COL1A1: variants seen among roughly 807,000 people sequenced by gnomAD.
The protein encoded by COL1A1 is collagen type I alpha 1 chain, also known as collagen alpha-1(I) chain.
In COL1A1, 21 loss-of-function variants were observed where a neutral mutation model predicts 195.7. The ratio of observed to expected loss-of-function variants is 0.11; its 90% CI spans 0.08 to 0.15. The LOEUF (loss-of-function observed/expected upper bound fraction) is 0.15. COL1A1 is among the 10% of genes least tolerant of loss of function. COL1A1 has a pLI of 1.00. For synonymous variants in COL1A1, 749 were observed against 747.3 expected, an observed-to-expected ratio of 1.00 and a Z score of -0.04; for missense variants, 1,365 against 2,051.0, an observed-to-expected ratio of 0.67 and a Z score of 6.46.
rs778654271 is a variant in COL1A1, at chr17:50,188,597, G to A, written c.3140C>T (p.Ala1047Val). The A allele has an allele frequency of 1.2e-6, 2 of 1,614,026 alleles. No homozygotes were observed. The highest frequency in any genetic ancestry group is 1.7e-6 in the Non-Finnish European group (2 of 1,179,966). Residue 1047 changes from alanine to valine, a missense_variant, in exon 43 of 51, where the codon GCT becomes GTT. Physicochemically the swap from Ala to Val is moderately conservative, Grantham distance 64 (BLOSUM62 0). Transcript: ENST00000225964. This position sits in a 1 kb window ranked among gnomAD's most constrained non-coding sequence, Gnocchi z 5.6. ...GCCAGGGGCACCAGGAGCACCAGGA[G>A]CACCAGGGGGTCCAGCGGGGCCGGT... is the stretch of plus-strand genomic sequence containing the variant. ...GETGPAGPPG[A>V]PGAPGAPGPV...
rs1906999613 is a variant in COL1A1 at position 50,190,703 on chromosome 17, T to C, written c.2344-107A>G. The C allele has an allele frequency of 1.3e-5, 20 of 1,501,400 alleles. No homozygotes were observed. The highest frequency in any genetic ancestry group is 1.7e-5 in the Non-Finnish European group (18 of 1,083,250). 93.0% of individuals were successfully genotyped at this position (1,501,400 alleles called of 1,614,324 possible). On this transcript the variant is annotated intron_variant, in intron 33 of 50. Coordinates refer to ENST00000225964, the MANE Select transcript of COL1A1 (RefSeq NM_000088.4). The surrounding 1 kb of genome is among the most constrained non-coding windows in gnomAD (Gnocchi z 4.7). ...CTTCTGGTCCCTCCAGGTTCCCAGGTTGACAGCTCAGTTTGGCAGGACCTG... is the reference window on the plus strand; with the variant it reads ...CTTCTGGTCCCTCCAGGTTCCCAGGCTGACAGCTCAGTTTGGCAGGACCTG...
chr17:50,196,051 C>T, intron 15 of COL1A1, 75 bp from the exon 16 acceptor site: 1 of 1,604,796 alleles, frequency 6.2e-7, no homozygotes. Context: ...CAGAGGAAGT[C>T]CTGGGGTTCA....
In COL1A1 at chr17:50,190,102, C is replaced by G. The variant is rs1489977257; in HGVS notation, c.2458G>C (p.Asp820His). 6.2e-7 allele frequency: 1 copy of G among 1,613,432 alleles called. No individual in the cohort carries two copies. Among genetic ancestry groups the G allele is most frequent in the South Asian group, 1.1e-5 (1 of 91,028 alleles). Residue 820 changes from aspartate (D) to histidine (H), a missense_variant, in exon 36 of 51, where the codon GAC becomes CAC. By Grantham distance (81) the Asp-to-His change is moderately conservative (BLOSUM62 -1). Coordinates refer to ENST00000225964, the MANE Select transcript of COL1A1 (RefSeq NM_000088.4). The surrounding 1 kb of genome is among the most constrained non-coding windows in gnomAD (Gnocchi z 4.7). ...TCGCCTTTAGCACCAGGTTGGCCGT[C>G]AGCACCCTGGGGGAGGAAGCAGGGC... ...PAGFAGPPGA[D>H]GQPGAKGEPG...
At position 50,189,464 on chromosome 17, in the gene COL1A1, G is replaced by T; in HGVS notation, c.2742C>A (p.Gly914=). The change falls in exon 39 of 51, where the codon GGC becomes GGA. Residue 914 remains glycine, a synonymous_variant. Transcript: ENST00000225964. This position sits in a 1 kb window ranked among gnomAD's most constrained non-coding sequence, Gnocchi z 5.5. ...EGGKGPRGET[G]PAGRPGEVGP... is the part of the protein sequence containing the mutation. ...CAACTTCACCAGGACGTCCAGCAGG[G>T]CCAGTCTCACCACGGGGACCTTTGC... 1 of 1,613,618 alleles carries T rather than the reference G, an allele frequency of 6.2e-7. No individual in the cohort carries two copies. The highest frequency in any genetic ancestry group is 8.5e-7 in the Non-Finnish European group (1 of 1,179,872).
Position 50,187,504 on chromosome 17 carries a change from A to G in COL1A1, c.3403T>C (p.Ser1135Pro). ...SPGEQGPSGA[S>P]GPAGPRGPPG... ...CTTACTCGGGGACCAGCAGGACCAG[A>G]GGCTCCAGAGGGACCTTGTTCACCA... is the stretch of plus-strand genomic sequence containing the variant. Residue 1135 changes from serine to proline, a missense_variant, in exon 46 of 51, where the codon TCT becomes CCT. Ser to Pro is a moderately conservative substitution (Grantham distance 74). This residue lies in a region of COL1A1 where 671 missense variants were observed against 1,099.9 expected (regional missense o/e 0.61). Transcript: ENST00000225964. The G allele has an allele frequency of 1.2e-6, 2 of 1,613,922 alleles. No individual in the cohort carries two copies. Among genetic ancestry groups the G allele is most frequent in the Non-Finnish European group, 1.7e-6 (2 of 1,179,914 alleles).
Position 50,201,469 on chromosome 17 carries a change from G to A in COL1A1, c.45C>T (p.Ala15=), listed in dbSNP as rs140295356. ...VDLRLLLLLA[A]TALLTHGQEE... is the part of the protein sequence containing the mutation. ...CTTGGCCGTGCGTCAGGAGGGCGGT[G>A]GCCGCTAAGAGGAGCAGGAGCCGGA... The change falls in exon 1 of 51, where the codon GCC becomes GCT. Residue 15 remains alanine, a synonymous_variant. Transcript: ENST00000225964. The A allele has an allele frequency of 7.1e-5, 115 of 1,613,024 alleles. No homozygotes were observed. Among genetic ancestry groups the A allele is most frequent in the Non-Finnish European group, 9.4e-5 (111 of 1,180,034 alleles).
At position 50,195,171 on chromosome 17, in the gene COL1A1, A is replaced by C. The variant is rs1399268695; in HGVS notation, c.1299+61T>G. On this transcript the variant is annotated intron_variant, in intron 19 of 50. Transcript: ENST00000225964. This position sits in a 1 kb window ranked among gnomAD's most constrained non-coding sequence, Gnocchi z 4.3. The stretch of plus-strand genomic sequence containing the variant: ...GTTGGCCTGCGTCTTCCTGCTCCCC[A>C]GATGAGAGCCGCACTGGAGCCAGTG... 1 of 1,605,092 alleles carries C rather than the reference A, an allele frequency of 6.2e-7. No homozygotes were observed. Among genetic ancestry groups the C allele is most frequent in the Non-Finnish European group, 8.5e-7 (1 of 1,172,262 alleles).
intron 31 of COL1A1, 58 bp from the exon 32 acceptor site, chr17:50,191,548 C>A: frequency 6.7e-7 from 1 of 1,483,846 alleles, no homozygotes. Context: ...TGGGTCACAG[C>A]CCTAAGCCCC....
In COL1A1 at chr17:50,194,596, C is replaced by T. The variant is rs1051473344; in HGVS notation, c.1492G>A (p.Ala498Thr). 16 of 1,576,434 alleles carry T rather than the reference C, an allele frequency of 1.0e-5. No homozygotes were observed. The highest frequency in any genetic ancestry group is 1.4e-5 in the Non-Finnish European group (16 of 1,160,948). ...GGPGSRGFPG[A>T]DGVAGPKGPA... Reference sequence around the variant, plus strand: ...ACCTTGGGACCAGCAACACCATCTGCGCCAGGGAAACCACGGCTACCAGGT... The same window carrying T: ...ACCTTGGGACCAGCAACACCATCTGTGCCAGGGAAACCACGGCTACCAGGT... The change falls in exon 22 of 51, where the codon GCA becomes ACA. Residue 498 changes from alanine (A) to threonine (T), a missense_variant. Coordinates refer to ENST00000225964, the MANE Select transcript of COL1A1 (RefSeq NM_000088.4). The surrounding 1 kb of genome is among the most constrained non-coding windows in gnomAD (Gnocchi z 6.8).
At chr17:50,187,837 G>A (rs770279478) in intron 45 of COL1A1, 39 bp downstream of exon 45, 2 of 1,527,792 alleles carry the variant, frequency 1.3e-6, no homozygotes, top group Non-Finnish European at 1.8e-6. Flanking sequence ...CTATCCCACA[G>A]CACAGCATGG....
rs775514708 is a variant in COL1A1 at position 50,201,398 on chromosome 17, G to T, written c.103+13C>A. ...ATAGAGTATCCTTGCACTCCCAAAA[G>T]TTTGGGACTTACTGTCTTCGTCTTG... On this transcript the variant is annotated intron_variant, in intron 1 of 50. Coordinates refer to ENST00000225964, the MANE Select transcript of COL1A1 (RefSeq NM_000088.4). 5 of 1,612,602 alleles carry T rather than the reference G, an allele frequency of 3.1e-6. No individual in the cohort carries two copies. Among genetic ancestry groups the T allele is most frequent in the Non-Finnish European group, 4.2e-6 (5 of 1,179,288 alleles).
Position 50,195,430 on chromosome 17 carries a change from T to C in COL1A1, c.1200+4A>G. ...GTGGGACTGAAGCCTGGCAGGATACTTACATTGGCACCTTTAGCACCAGGC... is the reference window on the plus strand; with the variant it reads ...GTGGGACTGAAGCCTGGCAGGATACCTACATTGGCACCTTTAGCACCAGGC... On this transcript the variant is annotated splice_donor_region_variant and intron_variant, in intron 18 of 50. Transcript: ENST00000225964. This position sits in a 1 kb window ranked among gnomAD's most constrained non-coding sequence, Gnocchi z 4.3. The C allele has an allele frequency of 1.9e-6, 3 of 1,614,080 alleles. No individual in the cohort carries two copies. The highest frequency in any genetic ancestry group is 2.5e-6 in the Non-Finnish European group (3 of 1,180,000).
At position 50,196,523 on chromosome 17, in the gene COL1A1, C is replaced by A. The variant is rs2144581372; in HGVS notation, c.864G>T (p.Glu288Asp). The change falls in exon 13 of 51, where the codon GAG (glutamate) becomes GAT (aspartate). Residue 288 changes from glutamate to aspartate, a missense_variant. Transcript: ENST00000225964. ...GDAGPAGPKG[E>D]PGSPGENGAP... ...CTCCATTTTCACCAGGGCTGCCAGG[C>A]TCACCCTGTAGATCAGAGAATAATG... is the stretch of plus-strand genomic sequence containing the variant. 2.5e-6 allele frequency: 4 copies of A among 1,614,194 alleles called. No homozygotes were observed. The highest frequency in any genetic ancestry group is 3.4e-6 in the Non-Finnish European group (4 of 1,180,044).
chr17:50,194,879 G>A lies in COL1A1; in HGVS notation c.1354-51C>T. Reference sequence around the variant, plus strand: ...GGCCTGTGGTGAGGGGCCATCCTGTGCCAGCCTCAGAGCCGGCTGAGGCTG... The same window carrying A: ...GGCCTGTGGTGAGGGGCCATCCTGTACCAGCCTCAGAGCCGGCTGAGGCTG... On this transcript the variant is annotated intron_variant, in intron 20 of 50. Coordinates refer to ENST00000225964, the MANE Select transcript of COL1A1 (RefSeq NM_000088.4). This position sits in a 1 kb window ranked among gnomAD's most constrained non-coding sequence, Gnocchi z 6.8. 1 of 1,553,232 alleles carries A rather than the reference G, an allele frequency of 6.4e-7. No individual in the cohort carries two copies.
chr17:50,187,564 C>A, intron 45 of COL1A1, 27 bp from the exon 46 acceptor site: 2 of 1,613,412 alleles, frequency 1.2e-6, no homozygotes. Flanking sequence ...AAAGGCAGTT[C>A]AGGCCCAGTG....
At position 50,188,015 on chromosome 17, in the gene COL1A1, G is replaced by T. The variant is rs41316709; in HGVS notation, c.3262-32C>A. 6.2e-7 allele frequency: 1 copy of T among 1,613,860 alleles called. No homozygotes were observed. The highest frequency in any genetic ancestry group is 8.5e-7 in the Non-Finnish European group (1 of 1,179,780). On this transcript the variant is annotated intron_variant, in intron 44 of 50. Transcript: ENST00000225964. This position sits in a 1 kb window ranked among gnomAD's most constrained non-coding sequence, Gnocchi z 5.6. ...GAGAGAAAGGGACAAACTGTCAGGC[G>T]GAAGTTCCATTGGCATCGAGTGGGG...
chr17:50,188,784 A>G lies in COL1A1; in HGVS notation c.3057T>C (p.Gly1019=), dbSNP rs571381874. The part of the protein sequence containing the change: ...PGESGREGAP[G]AEGSPGRDGS... ...CGTCTCGTCCAGGGGAACCTTCGGC[A>G]CCAGGAGCCCCCTGCAGAGAGAGAG... Residue 1019 remains glycine (G), a synonymous_variant, in exon 42 of 51, where the codon GGT becomes GGC. Coordinates refer to ENST00000225964, the MANE Select transcript of COL1A1 (RefSeq NM_000088.4). This position sits in a 1 kb window ranked among gnomAD's most constrained non-coding sequence, Gnocchi z 5.6. 1 of 1,614,048 alleles carries G rather than the reference A, an allele frequency of 6.2e-7. No homozygotes were observed. The highest frequency in any genetic ancestry group is 1.3e-5 in the African/African-American group (1 of 74,968).
chr17:50,190,299 G>A lies in COL1A1; in HGVS notation c.2451+28C>T, dbSNP rs41316677. On this transcript the variant is annotated intron_variant, in intron 35 of 50. Coordinates refer to ENST00000225964, the MANE Select transcript of COL1A1 (RefSeq NM_000088.4). This position sits in a 1 kb window ranked among gnomAD's most constrained non-coding sequence, Gnocchi z 4.7. The stretch of plus-strand genomic sequence containing the variant: ...GAGGTCCCAGGTCCCAGTCGGTGAT[G>A]AAAAATGATGGGGGTCTTGGTACTC... 1.7e-5 allele frequency: 26 copies of A among 1,535,872 alleles called. No homozygotes were observed. In the Admixed American group the frequency reaches 3.5e-4, roughly 21 times the overall value.
In COL1A1 at chr17:50,185,858, G is replaced by A. The variant is rs768808806; in HGVS notation, c.4168C>T (p.Leu1390Phe). ...QTGNLKKALL[L>F]QGSNEIEIRA... ...ATCTCGATCTCGTTGGAGCCCTGGAGGAGCAGGGCCTTCTTGAGGTTGCCA... is the reference window on the plus strand; with the variant it reads ...ATCTCGATCTCGTTGGAGCCCTGGAAGAGCAGGGCCTTCTTGAGGTTGCCA... The change falls in exon 50 of 51, where the codon CTC becomes TTC. Residue 1390 changes from leucine (L) to phenylalanine (F), a missense_variant. Transcript: ENST00000225964. The A allele has an allele frequency of 6.3e-5, 101 of 1,614,052 alleles. No individual in the cohort carries two copies. Among genetic ancestry groups the A allele is most frequent in the Non-Finnish European group, 8.2e-5 (97 of 1,180,036 alleles).
Sources: gnomAD v4.1 joint callset for allele counts on GRCh38, gnomAD v4.1.1 for gene constraint, gnomAD v4.1.1 regional missense constraint, Gnocchi (gnomAD v3.1) non-coding constraint, MANE v1.5 for transcripts, NCBI Gene and HGNC (gene_info 2026-07-23, HGNC 2026-07-21) for gene names.